EGFR: variants seen among roughly 807,000 people sequenced by gnomAD.
EGFR encodes the protein avian erythroblastic leukemia viral (v-erb-b) oncogene homolog.
EGFR carries 58 observed loss-of-function variants against 143.0 expected under a neutral mutation model. That is an observed-to-expected ratio of 0.41 (90% CI 0.33 to 0.50). The LOEUF (loss-of-function observed/expected upper bound fraction) is 0.50, where lower values mean the gene tolerates loss of function less well. EGFR is among the 20% of genes least tolerant of loss of function. The pLI is 0.39. For missense variants in EGFR, 1,307 were observed against 1,579.0 expected (o/e 0.83, Z 2.92); for synonymous variants, 613 against 594.4 (o/e 1.03, Z -0.45).
At chr7:55,136,570 TAC>T (rs145853789) in intron 1 of EGFR, among the ~76,000 whole-genome samples, 12 of 150,858 alleles carry the variant, frequency 8.0e-5, no homozygotes, top group Non-Finnish European at 8.9e-5. Flanking sequence ...CACATATGTG[TAC>T]ACACACACAC....
intron 1 of EGFR, among the ~76,000 whole-genome samples, chr7:55,125,712 G>A (rs1048471687): frequency 6.6e-6 from 1 of 152,204 alleles, no homozygotes; most frequent in Non-Finnish European, 1.5e-5. Flanking sequence ...CAGCCAGGAT[G>A]AGGCATTGAC....
chr7:55,118,530 T>C (rs75697397), intron 1 of EGFR, among the ~76,000 whole-genome samples: 3,382 of 152,298 alleles, frequency 0.022, 146 homozygotes, highest in African/African-American at 0.078. Context: ...GGTTGCCACC[T>C]TTGGGGTAGT....
intron 23 of EGFR, 23 bp from the exon 24 acceptor site, chr7:55,200,293 G>GT: frequency 1.9e-6 from 3 of 1,609,776 alleles, no homozygotes; most frequent in Non-Finnish European, 1.7e-6. Context: ...TAATTGCACT[G>GT]TTTTTTCTCA....
chr7:55,157,018 C>A, intron 10 of EGFR, 186 bp downstream of exon 10: 1 of 1,419,240 alleles, frequency 7.0e-7, no homozygotes, highest in Non-Finnish European at 9.4e-7. Context: ...CACGTTAAGT[C>A]CAGGCTTGGG....
rs2128952366 is a variant in EGFR, at chr7:55,172,975, C to T, written c.1920-8C>T. ...CTCACCCTTCCTTGTTCCTCCACCT[C>T]ATTCCAGGCCTAAGATCCCGTCCAT... On this transcript the variant is annotated splice_region_variant and splice_polypyrimidine_tract_variant and intron_variant, in intron 16 of 27. Transcript: ENST00000275493. The T allele has an allele frequency of 2.5e-6, 4 of 1,614,196 alleles. No individual in the cohort carries two copies. Among genetic ancestry groups the T allele is most frequent in the South Asian group, 2.2e-5 (2 of 91,086 alleles).
intron 1 of EGFR, among the ~76,000 whole-genome samples, chr7:55,094,840 C>T (rs1390059095): frequency 6.6e-6 from 1 of 152,152 alleles, no homozygotes; most frequent in African/African-American, 2.4e-5. Flanking sequence ...GCAGGTAAAA[C>T]AAATATTTCT....
intron 1 of EGFR, among the ~76,000 whole-genome samples, chr7:55,126,674 A>G (rs1793540234): frequency 6.6e-6 from 1 of 152,146 alleles, no homozygotes. Context: ...ACACATATAA[A>G]AGGGATTTAA....
chr7:55,019,742 G>A (rs1204346783), intron 1 of EGFR, among the ~76,000 whole-genome samples: 4 of 152,162 alleles, frequency 2.6e-5, no homozygotes, highest in Admixed American at 2.6e-4. Context: ...TGGGGCCGGG[G>A]TCCCGCACGT....
chr7:55,123,885 ATGTG>A (rs5884400), intron 1 of EGFR, among the ~76,000 whole-genome samples: 46 of 151,476 alleles, frequency 3.0e-4, no homozygotes, highest in Middle Eastern at 3.4e-3. Flanking sequence ...GTGTAAATGG[ATGTG>A]TGTGTGTGTG....
intron 12 of EGFR, among the ~76,000 whole-genome samples, chr7:55,160,759 C>G (rs972502546): frequency 2.7e-4 from 41 of 152,352 alleles, no homozygotes; most frequent in African/African-American, 9.9e-4. Context: ...CTGGTGAGAG[C>G]CTGGCCTGTG....
chr7:55,020,955 T>G (rs1042983083), intron 1 of EGFR, among the ~76,000 whole-genome samples: 3 of 151,402 alleles, frequency 2.0e-5, no homozygotes, highest in African/African-American at 7.3e-5. Context: ...TTAATTGGCA[T>G]GGGGCAAGAC....
rs2128975507 is a variant in EGFR, at chr7:55,205,500, C to T, written c.3516C>T (p.Tyr1172=). 1 of 1,614,216 alleles carries T rather than the reference C, an allele frequency of 6.2e-7. No individual in the cohort carries two copies. The highest frequency in any genetic ancestry group is 8.5e-7 in the Non-Finnish European group (1 of 1,180,034). The change falls in exon 28 of 28, where the codon TAC becomes TAT. Residue 1172 remains tyrosine (Y), a synonymous_variant. Transcript: ENST00000275493. ...SHQISLDNPD[Y]QQDFFPKEAK... is the part of the protein sequence containing the mutation. ...AAATTAGCCTGGACAACCCTGACTA[C>T]CAGCAGGACTTCTTTCCCAAGGAAG...
chr7:55,171,751 C>A (rs953923617), intron 16 of EGFR, among the ~76,000 whole-genome samples: 1 of 152,206 alleles, frequency 6.6e-6, no homozygotes, highest in African/African-American at 2.4e-5. Flanking sequence ...GTTGAAAAGT[C>A]TTATTCAAAC....
chr7:55,020,160 C>T (rs890177561), intron 1 of EGFR, among the ~76,000 whole-genome samples: 10 of 152,250 alleles, frequency 6.6e-5, no homozygotes, highest in Non-Finnish European at 1.0e-4. Flanking sequence ...GGCGCAGACC[C>T]CGGCCGCTCG....
At chr7:55,022,158 A>C (rs1414406281) in intron 1 of EGFR, among the ~76,000 whole-genome samples, 1 of 152,152 alleles carries the variant, frequency 6.6e-6, no homozygotes, top group Non-Finnish European at 1.5e-5. Flanking sequence ...CTTAGTCCTC[A>C]GTTCAGTGAG....
chr7:55,205,644 A>G lies in EGFR; in HGVS notation c.*27A>G. ...CACGGAGGATAGTATGAGCCCTAAA[A>G]ATCCAGACTCTTTCGATACCCAGGA... On this transcript the variant is annotated 3_prime_UTR_variant, in exon 28 of 28. Transcript: ENST00000275493. 6.2e-7 allele frequency: 1 copy of G among 1,614,090 alleles called. No homozygotes were observed. The highest frequency in any genetic ancestry group is 1.3e-5 in the African/African-American group (1 of 75,028).
chr7:55,184,533 T>A (rs6970029), intron 20 of EGFR, among the ~76,000 whole-genome samples: 2 of 152,046 alleles, frequency 1.3e-5, no homozygotes, highest in Non-Finnish European at 2.9e-5. Context: ...ACTTAGTGCG[T>A]GTCCCATTTA....
chr7:55,088,516 C>G (rs1168186935), intron 1 of EGFR, among the ~76,000 whole-genome samples: 1 of 152,188 alleles, frequency 6.6e-6, no homozygotes, highest in Non-Finnish European at 1.5e-5. Flanking sequence ...ATTTTAAAGT[C>G]AACTGCCAGG....
chr7:55,204,311 C>CCACA (rs377750037), intron 27 of EGFR, among the ~76,000 whole-genome samples: 3 of 141,380 alleles, frequency 2.1e-5, no homozygotes, highest in East Asian at 2.2e-4. Context: ...TGTACACACG[C>CCACA]CACACACACA....
Sources: gnomAD v4.1 joint callset for allele counts (sites outside exome capture counted in the v4.1 genomes callset) on GRCh38, gnomAD v4.1.1 for gene constraint, MANE v1.5 for transcripts, NCBI Gene and HGNC (gene_info 2026-07-23, HGNC 2026-07-21) for gene names.